The following ZFAND3 variants were observed in gnomAD, a reference collection of about 807,000 sequenced individuals.
The protein encoded by ZFAND3 is zinc finger AN1-type containing 3.
A neutral mutation model predicts 29.6 loss-of-function variants in ZFAND3; 10 were observed. The observed-to-expected ratio is 0.34, with a 90% confidence interval of 0.21 to 0.57. The LOEUF (loss-of-function observed/expected upper bound fraction) is 0.57. Ranked by LOEUF, ZFAND3 falls within the 20% of genes least tolerant of loss-of-function variation. The pLI, the probability that ZFAND3 is intolerant of heterozygous loss-of-function variation, is 0.86. For synonymous variants in ZFAND3, 128 were observed against 112.6 expected (o/e 1.14, Z -0.87); for missense variants, 230 against 304.5 (o/e 0.76, Z 1.82).
At chr6:37,827,493 T>G (rs1355576797) in intron 1 of ZFAND3, among the ~76,000 whole-genome samples, 1 of 152,246 alleles carries the variant, frequency 6.6e-6, no homozygotes, top group Non-Finnish European at 1.5e-5. Flanking sequence ...GTAAATCTCA[T>G]GGCAGCTTTT....
At chr6:37,926,091 G>A (rs1227204148) in intron 1 of ZFAND3, among the ~76,000 whole-genome samples, 2 of 152,182 alleles carry the variant, frequency 1.3e-5, no homozygotes, top group African/African-American at 4.8e-5. Context: ...GAGCAGTTGT[G>A]GTGGAAGAGG....
chr6:38,153,316 GAGCA>G lies in ZFAND3; in HGVS notation c.*928_*931del, dbSNP rs940816405. 3.8e-5 allele frequency: 37 copies of G among 985,466 alleles called. No homozygotes were observed. In the African/African-American group the frequency reaches 6.1e-4, roughly 16 times the overall value. 61.0% of individuals were successfully genotyped at this position (985,466 alleles called of 1,614,324 possible). A position where few individuals can be genotyped will look rare whatever the true frequency, so the allele number is the denominator to read the frequency against. On this transcript the variant is annotated 3_prime_UTR_variant, in exon 6 of 6. Coordinates refer to ENST00000287218, the MANE Select transcript of ZFAND3 (RefSeq NM_021943.3). ...CAACAAGAATCAGTAGAAGTGCTGG[GAGCA>G]GCAGCTGGGGAAGCTGCCGCCCACG... is the stretch of plus-strand genomic sequence containing the variant.
At chr6:38,088,458 A>AT (rs1430802663) in intron 4 of ZFAND3, 1 of 152,208 alleles carries the variant, frequency 6.6e-6, no homozygotes, top group Non-Finnish European at 1.5e-5. Context: ...AATAGAATGA[A>AT]TAAGATTCAC....
intron 5 of ZFAND3, among the ~76,000 whole-genome samples, chr6:38,144,205 A>G (rs1486119633): frequency 4.5e-5 from 2 of 44,354 alleles, no homozygotes; most frequent in Non-Finnish European, 9.7e-5. Context: ...ATATATATAT[A>G]TATATAATAT....
intron 1 of ZFAND3, among the ~76,000 whole-genome samples, chr6:37,841,545 G>A (rs935207473): frequency 2.6e-5 from 4 of 152,108 alleles, no homozygotes; most frequent in African/African-American, 7.2e-5. Context: ...GTGCGGTGGC[G>A]CGAACTTGGC....
rs1356903400 is a variant in ZFAND3, at chr6:38,144,202, TA to T, written c.530-8032del. Among the ~76,000 whole-genome samples the T allele has an allele frequency of 6.3e-4, 26 of 41,206 alleles. 1 individual carries two copies. Among genetic ancestry groups the T allele is most frequent in the African/African-American group, 3.5e-3 (24 of 6,828 alleles). The allele number at this position is 41,206 out of a possible 152,430, so 27.0% of individuals were successfully genotyped here. On this transcript the variant is annotated intron_variant, in intron 5 of 5. Coordinates refer to ENST00000287218, the MANE Select transcript of ZFAND3 (RefSeq NM_021943.3). ...TATATATAATATATATATATATATA[TA>T]TATATATAATATATAATATATATAT...
intron 1 of ZFAND3, among the ~76,000 whole-genome samples, chr6:37,857,262 T>A (rs1025368226): frequency 2.0e-5 from 3 of 152,216 alleles, no homozygotes; most frequent in Non-Finnish European, 4.4e-5. Context: ...AATATTATGT[T>A]TATCAACACA....
chr6:37,953,711 C>A (rs1412848567), intron 2 of ZFAND3, among the ~76,000 whole-genome samples: 1 of 152,096 alleles, frequency 6.6e-6, no homozygotes, highest in Non-Finnish European at 1.5e-5. Flanking sequence ...CTTGACCCCA[C>A]AATGTCCTGG....
At chr6:38,097,782 TGAG>T (rs2127476543) in intron 4 of ZFAND3, among the ~76,000 whole-genome samples, 1 of 152,098 alleles carries the variant, frequency 6.6e-6, no homozygotes, top group African/African-American at 2.4e-5. Context: ...AAGAGAAACT[TGAG>T]GGAGTGTAGA....
intron 2 of ZFAND3, among the ~76,000 whole-genome samples, chr6:38,056,021 A>G (rs999750837): frequency 6.6e-6 from 1 of 152,226 alleles, no homozygotes; most frequent in African/African-American, 2.4e-5. Context: ...GTCTTGTGCT[A>G]TGGGAAATCA....
Position 37,873,072 on chromosome 6 carries a change from C to T in ZFAND3, c.71+53056C>T, listed in dbSNP as rs564673916. Among the ~76,000 whole-genome samples, 10 of 152,230 alleles carry T rather than the reference C, an allele frequency of 6.6e-5. No homozygotes were observed. The South Asian group carries it at 1.9e-3, about 28-fold the overall frequency. On this transcript the variant is annotated intron_variant, in intron 1 of 5. Transcript: ENST00000287218. ...AGGAGATCGAGACCATCTTGGCTAA[C>T]ACGGTGAAACACCTTCTCTACTTAA...
At chr6:37,930,033 TC>T in intron 2 of ZFAND3, 34 bp downstream of exon 2, 1 of 1,551,778 alleles carries the variant, frequency 6.4e-7, no homozygotes, top group Non-Finnish European at 8.7e-7. Context: ...TAATTTACTT[TC>T]ATTTTTCTTT....
At chr6:37,981,515 G>C (rs76829897) in intron 2 of ZFAND3, among the ~76,000 whole-genome samples, 9,736 of 152,176 alleles carry the variant, frequency 0.064, 427 homozygotes, top group Middle Eastern at 0.095. Flanking sequence ...TGGTTAGGTA[G>C]GTGCTTTAGA....
chr6:37,919,828 A>T (rs187048170), intron 1 of ZFAND3, among the ~76,000 whole-genome samples: 1 of 152,310 alleles, frequency 6.6e-6, no homozygotes, highest in Non-Finnish European at 1.5e-5. Context: ...TGTAACCATG[A>T]CAAAGTATCC....
Position 37,977,828 on chromosome 6 carries a change from TTTCCTTCC to T in ZFAND3, c.112+47864_112+47871del, listed in dbSNP as rs375787038. Among the ~76,000 whole-genome samples, 14 of 76,444 alleles carry T rather than the reference TTTCCTTCC, an allele frequency of 1.8e-4. 1 individual carries two copies. The highest frequency in any genetic ancestry group is 6.9e-4 in the African/African-American group (14 of 20,168). The allele number at this position is 76,444 out of a possible 152,430, so 50.2% of individuals were successfully genotyped here. On this transcript the variant is annotated intron_variant, in intron 2 of 5. Coordinates refer to ENST00000287218, the MANE Select transcript of ZFAND3 (RefSeq NM_021943.3). ...TGAATGTTGAATTTTGTAAAATGCT[TTTCCTTCC>T]TTCCTTCCTTCCTTCCTTCCTTCCT...
intron 4 of ZFAND3, among the ~76,000 whole-genome samples, chr6:38,107,887 C>G (rs1176125319): frequency 6.6e-6 from 1 of 151,340 alleles, no homozygotes; most frequent in Non-Finnish European, 1.5e-5. Context: ...AAGAATAAAT[C>G]CAGGTGGTGG....
intron 2 of ZFAND3, among the ~76,000 whole-genome samples, 172 bp from the exon 3 acceptor site, chr6:38,061,421 C>A (rs1177778006): frequency 1.3e-5 from 2 of 152,140 alleles, no homozygotes; most frequent in South Asian, 4.2e-4. Context: ...TAGTACCTTC[C>A]ACTAATCTTA....
At chr6:38,069,037 A>G (rs989311103) in intron 3 of ZFAND3, among the ~76,000 whole-genome samples, 4 of 152,324 alleles carry the variant, frequency 2.6e-5, no homozygotes, top group East Asian at 1.9e-4. Flanking sequence ...CATTGGCTAC[A>G]TATCTTCATT....
intron 1 of ZFAND3, among the ~76,000 whole-genome samples, chr6:37,919,228 G>A (rs1440407278): frequency 1.3e-5 from 2 of 152,106 alleles, no homozygotes; most frequent in Non-Finnish European, 2.9e-5. Flanking sequence ...GATTACAGGC[G>A]TGAGCCACCG....
Sources: allele counts gnomAD v4.1 joint callset (sites outside exome capture counted in the v4.1 genomes callset), GRCh38; gene constraint gnomAD v4.1.1; transcripts MANE v1.5; gene names NCBI Gene and HGNC (gene_info 2026-07-23, HGNC 2026-07-21).